PZP: variants seen among roughly 807,000 people sequenced by gnomAD.
PZP encodes the protein PZP alpha-2-macroglobulin like, also known as pregnancy zone protein.
A neutral mutation model predicts 179.8 loss-of-function variants in PZP; 150 were observed. The ratio of observed to expected loss-of-function variants is 0.83; its 90% confidence interval spans 0.73 to 0.96. The LOEUF is 0.96. PZP is among the 40% of genes least tolerant of loss of function. PZP has a pLI of 0.00. For synonymous variants in PZP, 624 were observed against 652.3 expected (o/e 0.96, Z 0.66); for missense variants, 1,689 against 1,764.0 (o/e 0.96, Z 0.76).
chr12:9,180,490 ACT>A (rs1942685758), intron 15 of PZP, among the ~76,000 whole-genome samples: 2 of 152,190 alleles, frequency 1.3e-5, no homozygotes, highest in African/African-American at 4.8e-5. Context: ...CTCAGAAATA[ACT>A]CTGCATATCT....
At chr12:9,161,793 C>T (rs952191971) in intron 22 of PZP, among the ~76,000 whole-genome samples, 1 of 152,128 alleles carries the variant, frequency 6.6e-6, no homozygotes, top group Non-Finnish European at 1.5e-5. Context: ...ACAACTACTT[C>T]TTAATGATAT....
rs1265854725 is a variant in PZP at position 9,186,067 on chromosome 12, A to G, written c.1547-3950T>C. Reference sequence around the variant, plus strand: ...ATGATCTGACCACCTTGACCCCCCAAAGTGCTGGGATTACAGGTATGAGCC... The same window carrying G: ...ATGATCTGACCACCTTGACCCCCCAGAGTGCTGGGATTACAGGTATGAGCC... On this transcript the variant is annotated intron_variant, in intron 13 of 35. Coordinates refer to ENST00000261336, the MANE Select transcript of PZP (RefSeq NM_002864.3). 6.6e-5 allele frequency among the ~76,000 whole-genome samples: 10 copies of G among 152,152 alleles called. No individual in the cohort carries two copies. The East Asian group carries it at 1.9e-3, about 29-fold the overall frequency.
At chr12:9,164,324 T>C (rs927825655) in intron 19 of PZP, 65 bp from the exon 20 acceptor site, 56 of 1,525,206 alleles carry the variant, frequency 3.7e-5, no homozygotes, top group Non-Finnish European at 2.3e-5. Flanking sequence ...ACACATAGAA[T>C]TGGGGCCAAG....
the PZP span, among the ~76,000 whole-genome samples, chr12:9,136,931 C>T: frequency 6.6e-6 from 1 of 152,138 alleles, no homozygotes; most frequent in African/African-American, 2.4e-5. Context: ...GGATAGCAAC[C>T]CCTTGTCAGA....
intron 14 of PZP, 31 bp downstream of exon 14, chr12:9,181,944 T>A: frequency 6.2e-7 from 1 of 1,606,620 alleles, no homozygotes; most frequent in Non-Finnish European, 8.5e-7. Flanking sequence ...CATTTATTTG[T>A]GTTCTTTTAA....
rs774564736 is a variant in PZP, at chr12:9,150,294, T to G, written c.4384+350A>C. On this transcript the variant is annotated intron_variant, in intron 34 of 35. Coordinates refer to ENST00000261336, the MANE Select transcript of PZP (RefSeq NM_002864.3). Reference sequence around the variant, plus strand: ...TGTTTTGTTTTGTGTTGTTTTTTCTTTTTTTTGAGACGGAGTCTCGCACCG... The same window carrying G: ...TGTTTTGTTTTGTGTTGTTTTTTCTGTTTTTTGAGACGGAGTCTCGCACCG... 2.0e-5 allele frequency among the ~76,000 whole-genome samples: 3 copies of G among 152,322 alleles called. No individual in the cohort carries two copies. In the East Asian group the frequency reaches 5.8e-4, roughly 29 times the overall value.
At chr12:9,136,682 G>A in the PZP span, among the ~76,000 whole-genome samples, 1 of 151,860 alleles carries the variant, frequency 6.6e-6, no homozygotes. Context: ...CCACATCTTT[G>A]CCAACCACTT....
chr12:9,161,215 G>T, intron 22 of PZP, 99 bp from the exon 23 acceptor site: 1 of 1,011,692 alleles, frequency 9.9e-7, no homozygotes, highest in Non-Finnish European at 1.5e-6. Flanking sequence ...ACACTCCCTG[G>T]ATATGGTACT....
At chr12:9,149,321 T>G (rs959614508) in intron 35 of PZP, among the ~76,000 whole-genome samples, 4 of 152,216 alleles carry the variant, frequency 2.6e-5, no homozygotes, top group African/African-American at 9.7e-5. Flanking sequence ...AAATGTCGCT[T>G]TTAGAGATAG....
At chr12:9,178,883 AG>A (rs1942569984) in intron 15 of PZP, among the ~76,000 whole-genome samples, 2 of 152,158 alleles carry the variant, frequency 1.3e-5, no homozygotes, top group South Asian at 4.1e-4. Context: ...AAAATAGGAC[AG>A]GGGTCTCAGA....
In PZP at chr12:9,154,786, G is replaced by A. The variant is rs748839803; in HGVS notation, c.3604C>T (p.Leu1202Phe). ...PQRPKAPVGH[L>F]YQTQAPSAEV... ...GCAGAGGGAGCCTGGGTTTGGTAAA[G>A]ATGCCCCACTGGTGCCTTGGGTCTC... Residue 1202 changes from leucine to phenylalanine, a missense_variant, in exon 29 of 36, where the codon CTT becomes TTT. Transcript: ENST00000261336. The A allele has an allele frequency of 1.2e-6, 2 of 1,614,146 alleles. No homozygotes were observed. The highest frequency in any genetic ancestry group is 1.7e-6 in the Non-Finnish European group (2 of 1,180,014).
intron 2 of PZP, 34 bp from the exon 3 acceptor site, chr12:9,202,718 C>G: frequency 6.3e-7 from 1 of 1,590,026 alleles, no homozygotes; most frequent in Non-Finnish European, 8.6e-7. Flanking sequence ...TACTGAGGAA[C>G]TGTGCAGTCT....
rs774449645 is a variant in PZP, at chr12:9,181,042, G to A, written c.1780C>T (p.Arg594Cys). Residue 594 changes from arginine (R) to cysteine (C), a missense_variant, in exon 15 of 36, where the codon CGT (arginine) becomes TGT (cysteine). Arg to Cys is a radical substitution (Grantham distance 180). Coordinates refer to ENST00000261336, the MANE Select transcript of PZP (RefSeq NM_002864.3). ...AAAPQSLCALRAVDQSVLLMK... is the reference protein window; with the variant it reads ...AAAPQSLCALCAVDQSVLLMK... ...AGCAGCACACTTTGGTCCACAGCAC[G>A]AAGGGCACAGAGGGACTGCGGAGCA... is the stretch of plus-strand genomic sequence containing the variant. 2.0e-5 allele frequency: 33 copies of A among 1,614,184 alleles called. No homozygotes were observed. Among genetic ancestry groups the A allele is most frequent in the South Asian group, 9.9e-5 (9 of 91,074 alleles).
At chr12:9,180,329 C>T (rs1968354) in intron 15 of PZP, among the ~76,000 whole-genome samples, 90,066 of 151,672 alleles carry the variant, frequency 0.59, 27,667 homozygotes, top group East Asian at 0.83. Flanking sequence ...CAAAAAAGAG[C>T]CCGCATCGCC....
At chr12:9,181,889 T>C (rs1942782902) in intron 14 of PZP, 86 bp downstream of exon 14, 2 of 1,446,500 alleles carry the variant, frequency 1.4e-6, no homozygotes, top group Non-Finnish European at 1.9e-6. Flanking sequence ...TTTACTTTTC[T>C]GGACTTAGTT....
chr12:9,162,661 G>A lies in PZP; in HGVS notation c.2737-13C>T. ...CAATACCTTCAGCCTTGGATGAAAG[G>A]AAAGAAAAGGAGAAAAGATAGAAAC... is the stretch of plus-strand genomic sequence containing the variant. On this transcript the variant is annotated splice_polypyrimidine_tract_variant and intron_variant, in intron 21 of 35. Transcript: ENST00000261336. 6.4e-7 allele frequency: 1 copy of A among 1,572,926 alleles called. No individual in the cohort carries two copies. The highest frequency in any genetic ancestry group is 8.7e-7 in the Non-Finnish European group (1 of 1,145,188).
At chr12:9,186,811 T>C (rs1943148037) in intron 13 of PZP, among the ~76,000 whole-genome samples, 2 of 122,336 alleles carry the variant, frequency 1.6e-5, no homozygotes, top group Admixed American at 1.2e-4. Context: ...TGAGAACACA[T>C]GGACACAGGG....
At chr12:9,163,041 T>C (rs1452681515) in intron 21 of PZP, among the ~76,000 whole-genome samples, 2 of 152,166 alleles carry the variant, frequency 1.3e-5, no homozygotes, top group Non-Finnish European at 2.9e-5. Flanking sequence ...CTACTTGTTA[T>C]TGAATTATTA....
At chr12:9,162,565 A>C (rs375082150) in intron 22 of PZP, 32 bp downstream of exon 22, 6 of 1,497,294 alleles carry the variant, frequency 4.0e-6, no homozygotes, top group Non-Finnish European at 5.5e-6. Context: ...TGTGGTTTTG[A>C]TCTCACTATG....
Sources: gnomAD v4.1 joint callset for allele counts (sites outside exome capture counted in the v4.1 genomes callset) on GRCh38, gnomAD v4.1.1 for gene constraint, MANE v1.5 for transcripts, NCBI Gene and HGNC (gene_info 2026-07-23, HGNC 2026-07-21) for gene names.